Variants in NKAIN2 observed in about 807,000 individuals in gnomAD.
The protein encoded by NKAIN2 is sodium/potassium-transporting ATPase subunit beta-1-interacting protein 2.
NKAIN2 carries 14 observed loss-of-function variants against 32.6 expected under a neutral mutation model. The observed-to-expected ratio is 0.43, with a 90% CI of 0.28 to 0.67. NKAIN2 has a LOEUF of 0.67. Among genes scored for constraint, NKAIN2 ranks in the 30% least tolerant of loss-of-function variants. The pLI is 0.17. For synonymous variants in NKAIN2, 80 were observed against 87.2 expected (o/e 0.92, Z 0.46); for missense variants, 198 against 258.3 (o/e 0.77, Z 1.60).
At chr6:124,569,882 A>G in intron 3 of NKAIN2, among the ~76,000 whole-genome samples, 1 of 152,160 alleles carries the variant, frequency 6.6e-6, no homozygotes, top group South Asian at 2.1e-4. Context: ...AGTTTGGAGG[A>G]CTCAGAAGAA....
intron 2 of NKAIN2, among the ~76,000 whole-genome samples, chr6:124,349,341 G>C (rs1002950004): frequency 6.6e-6 from 1 of 152,064 alleles, no homozygotes; most frequent in African/African-American, 2.4e-5. Context: ...CATTCTCCCA[G>C]TGCACAGGCC....
intron 1 of NKAIN2, among the ~76,000 whole-genome samples, chr6:124,217,757 G>T (rs1435344787): frequency 6.6e-6 from 1 of 151,404 alleles, no homozygotes; most frequent in African/African-American, 2.4e-5. Context: ...CAAAAATTCT[G>T]CTGGTAGATA....
chr6:124,314,789 T>C (rs962725302), intron 2 of NKAIN2, among the ~76,000 whole-genome samples: 3 of 152,180 alleles, frequency 2.0e-5, no homozygotes, highest in African/African-American at 7.2e-5. Context: ...GTGGTGCCTC[T>C]GCCTAAAGAG....
intron 1 of NKAIN2, among the ~76,000 whole-genome samples, chr6:124,220,968 AAC>A (rs1791782183): frequency 6.6e-6 from 1 of 152,180 alleles, no homozygotes; most frequent in South Asian, 2.1e-4. Flanking sequence ...TAAAGCAGTT[AAC>A]ACAGATTTTT....
intron 4 of NKAIN2, among the ~76,000 whole-genome samples, chr6:124,748,404 T>A (rs1462005716): frequency 3.9e-5 from 6 of 151,932 alleles, no homozygotes; most frequent in African/African-American, 1.4e-4. Flanking sequence ...CAGGCACTCT[T>A]CTTACATCAG....
intron 4 of NKAIN2, among the ~76,000 whole-genome samples, chr6:124,725,345 C>T (rs760441693): frequency 6.6e-6 from 1 of 152,018 alleles, no homozygotes; most frequent in Non-Finnish European, 1.5e-5. Flanking sequence ...TTCAAGCAAT[C>T]CTCCCACCTT....
chr6:124,653,600 A>T lies in NKAIN2; in HGVS notation c.274-4586A>T, dbSNP rs925648985. Among the ~76,000 whole-genome samples, 15 of 152,130 alleles carry T rather than the reference A, an allele frequency of 9.9e-5. 1 individual carries two copies. The highest frequency in any genetic ancestry group is 3.6e-4 in the African/African-American group (15 of 41,436). ...AATCTAGATGAACTTGGATTTGGCAATGACTTTTAAAATATGACACCAAAG... is the reference window on the plus strand; with the variant it reads ...AATCTAGATGAACTTGGATTTGGCATTGACTTTTAAAATATGACACCAAAG... On this transcript the variant is annotated intron_variant, in intron 3 of 6. Transcript: ENST00000368417.
chr6:124,440,567 G>T (rs150297252), intron 3 of NKAIN2, among the ~76,000 whole-genome samples: 5 of 152,088 alleles, frequency 3.3e-5, no homozygotes, highest in African/African-American at 1.2e-4. Flanking sequence ...TTAAAATTGG[G>T]CAAGTGAGTA....
intron 3 of NKAIN2, among the ~76,000 whole-genome samples, chr6:124,564,532 A>G (rs1780829135): frequency 6.6e-6 from 1 of 152,092 alleles, no homozygotes; most frequent in Non-Finnish European, 1.5e-5. Flanking sequence ...CTCGGGTCCC[A>G]TTACACGGAA....
intron 4 of NKAIN2, among the ~76,000 whole-genome samples, chr6:124,663,682 T>C (rs1031237925): frequency 2.0e-5 from 3 of 152,326 alleles, no homozygotes; most frequent in African/African-American, 7.2e-5. Flanking sequence ...GTTTGTTATG[T>C]CTTGGTAGTA....
chr6:124,408,558 G>C (rs9491161), intron 3 of NKAIN2, among the ~76,000 whole-genome samples: 5,004 of 152,108 alleles, frequency 0.033, 264 homozygotes, highest in African/African-American at 0.11. Context: ...TGATCTATAT[G>C]TCTGTTTTGG....
intron 4 of NKAIN2, among the ~76,000 whole-genome samples, chr6:124,736,642 T>G (rs1325039754): frequency 6.6e-6 from 1 of 151,970 alleles, no homozygotes; most frequent in Non-Finnish European, 1.5e-5. Context: ...CTACTCTGCC[T>G]GTGCTCTATA....
At chr6:124,167,450 G>C (rs1191617192) in intron 1 of NKAIN2, among the ~76,000 whole-genome samples, 7 of 152,072 alleles carry the variant, frequency 4.6e-5, no homozygotes, top group Non-Finnish European at 1.0e-4. Context: ...GATATACAAT[G>C]ATGTCATCTG....
chr6:124,048,842 T>A (rs1782265137), intron 1 of NKAIN2, among the ~76,000 whole-genome samples: 1 of 152,026 alleles, frequency 6.6e-6, no homozygotes, highest in South Asian at 2.1e-4. Context: ...AGTAATTTTC[T>A]TAAGTGCATG....
chr6:123,867,531 A>G (rs908033110), intron 1 of NKAIN2, among the ~76,000 whole-genome samples: 5 of 152,204 alleles, frequency 3.3e-5, no homozygotes, highest in Non-Finnish European at 7.4e-5. Context: ...TTACTTCACA[A>G]TATTGTTGTA....
chr6:123,892,851 A>T (rs1036185221), intron 1 of NKAIN2, among the ~76,000 whole-genome samples: 1 of 151,652 alleles, frequency 6.6e-6, no homozygotes, highest in Non-Finnish European at 1.5e-5. Context: ...CACTGTCCTA[A>T]GGGTGAAGGT....
At chr6:123,915,911 A>C (rs1323164882) in intron 1 of NKAIN2, among the ~76,000 whole-genome samples, 1 of 152,160 alleles carries the variant, frequency 6.6e-6, no homozygotes, top group Non-Finnish European at 1.5e-5. Context: ...CTCCAAATTT[A>C]TTTGATCACA....
chr6:124,416,203 T>G (rs1251884365), intron 3 of NKAIN2, among the ~76,000 whole-genome samples: 1 of 152,142 alleles, frequency 6.6e-6, no homozygotes, highest in East Asian at 1.9e-4. Flanking sequence ...TGGCATTGAG[T>G]AGCCTGGATT....
chr6:124,759,640 CACACACACACACA>C (rs1562367717), intron 4 of NKAIN2, among the ~76,000 whole-genome samples: 3 of 130,464 alleles, frequency 2.3e-5, no homozygotes, highest in African/African-American at 5.5e-5. Flanking sequence ...CACACACACA[CACACACACACACA>C]CACCCCCTAT....
Sources: gnomAD v4.1 joint callset for allele counts (sites outside exome capture counted in the v4.1 genomes callset) on GRCh38, gnomAD v4.1.1 for gene constraint, MANE v1.5 for transcripts, NCBI Gene and HGNC (gene_info 2026-07-23, HGNC 2026-07-21) for gene names.